Variants in PCDHA2 observed in about 807,000 individuals in gnomAD.
PCDHA2 encodes the protein protocadherin alpha 2, also known as protocadherin alpha-2.
In PCDHA2, 58 loss-of-function variants were observed where a neutral mutation model predicts 66.0. That is an observed-to-expected ratio of 0.88 (90% CI 0.71 to 1.09). The LOEUF is 1.09. PCDHA2 is among the 50% of genes least tolerant of loss of function. The pLI is 0.00. For synonymous variants in PCDHA2, 634 were observed against 554.0 expected (o/e 1.14, Z -2.03); for missense variants, 1,267 against 1,242.3 (o/e 1.02, Z -0.30).
chr5:140,906,680 C>T (rs2072848945), intron 1 of PCDHA2, among the ~76,000 whole-genome samples: 2 of 152,166 alleles, frequency 1.3e-5, no homozygotes, highest in Admixed American at 6.5e-5. Context: ...AACCTTCATT[C>T]CTGAAGGATC....
chr5:140,944,095 A>AT (rs2093609322), intron 1 of PCDHA2, among the ~76,000 whole-genome samples: 1 of 152,250 alleles, frequency 6.6e-6, no homozygotes. Context: ...GAGTAAGTTT[A>AT]TATCTCATGG....
At chr5:140,999,947 G>A (rs993598998) in intron 3 of PCDHA2, among the ~76,000 whole-genome samples, 1 of 152,110 alleles carries the variant, frequency 6.6e-6, no homozygotes, top group Non-Finnish European at 1.5e-5. Flanking sequence ...CACCCAAAGA[G>A]GGTGAAATAC....
intron 1 of PCDHA2, chr5:140,856,553 T>C (rs1319185539): frequency 6.3e-7 from 1 of 1,598,066 alleles, no homozygotes; most frequent in African/African-American, 1.3e-5. Context: ...ATTGCTTACT[T>C]ACAAACTCAG....
Position 140,895,072 on chromosome 5 carries a change from A to C in PCDHA2, c.2389-83877A>C, listed in dbSNP as rs974661383. On this transcript the variant is annotated intron_variant, in intron 1 of 3. Coordinates refer to ENST00000526136, the MANE Select transcript of PCDHA2 (RefSeq NM_018905.3). ...TCTGCTTCATATGGACTCAATTCCT[A>C]TCAGTTCCTCCTCAGTATAGGGGTT... 2.6e-5 allele frequency among the ~76,000 whole-genome samples: 4 copies of C among 152,208 alleles called. No homozygotes were observed. In the South Asian group the frequency reaches 6.2e-4, roughly 24 times the overall value.
At chr5:140,906,494 G>C (rs1327823813) in intron 1 of PCDHA2, among the ~76,000 whole-genome samples, 4 of 152,196 alleles carry the variant, frequency 2.6e-5, no homozygotes, top group African/African-American at 9.7e-5. Context: ...GCACAAACAT[G>C]TTTTTAACAA....
At chr5:140,868,988 C>T in intron 1 of PCDHA2, 1 of 1,506,234 alleles carries the variant, frequency 6.6e-7, no homozygotes, top group Non-Finnish European at 8.9e-7. Context: ...CCGGATGCCA[C>T]CGTTTAAGGA....
In PCDHA2 at chr5:140,796,968, G is replaced by A. The variant is rs369554786; in HGVS notation, c.2004G>A (p.Ser668=). 4 of 1,613,820 alleles carry A rather than the reference G, an allele frequency of 2.5e-6. No homozygotes were observed. The highest frequency in any genetic ancestry group is 2.2e-5 in the South Asian group (2 of 91,084). ...CAGCCACGGCCACCGTGTTAGTGTC[G>A]TTGGTGGAAAGTGGCCAGGCACCCA... The part of the protein sequence containing the change: ...ALTATATVLV[S]LVESGQAPKA... The change falls in exon 1 of 4, where the codon TCG becomes TCA. Residue 668 remains serine, a synonymous_variant. Transcript: ENST00000526136.
chr5:140,796,054 TC>T lies in PCDHA2; in HGVS notation c.1093del (p.Leu365TrpfsTer25). 6.2e-7 allele frequency: 1 copy of T among 1,614,180 alleles called. No homozygotes were observed. Among genetic ancestry groups the T allele is most frequent in the South Asian group, 1.1e-5 (1 of 91,084 alleles). On this transcript the variant is annotated frameshift_variant, in exon 1 of 4. Transcript: ENST00000526136. LOFTEE classifies it high-confidence loss of function. ...SLSLPISENA[S>X]LGTVIALITV... Reference sequence around the variant, plus strand: ...CTCACTTCCCATCTCAGAGAACGCTTCCCTGGGCACTGTCATTGCTCTCATC... The same window carrying T: ...CTCACTTCCCATCTCAGAGAACGCTTCCTGGGCACTGTCATTGCTCTCATC...
chr5:140,833,681 C>T (rs1401831126), intron 1 of PCDHA2, among the ~76,000 whole-genome samples: 1 of 152,082 alleles, frequency 6.6e-6, no homozygotes, highest in African/African-American at 2.4e-5. Flanking sequence ...TTCCCCAAAC[C>T]TTCTCTTATT....
rs141467715 is a variant in PCDHA2 at position 140,882,439 on chromosome 5, G to A, written c.2388+85087G>A. 19 of 1,613,928 alleles carry A rather than the reference G, an allele frequency of 1.2e-5. No individual in the cohort carries two copies. The African/African-American group carries it at 1.5e-4, about 12-fold the overall frequency. ...CTCAGGACCTGGGGCTGGAGCTGGC[G>A]GAGCTGGTGCCGCGCCTGTTCCGGG... is the stretch of plus-strand genomic sequence containing the variant. On this transcript the variant is annotated intron_variant, in intron 1 of 3. Transcript: ENST00000526136.
At chr5:140,940,764 G>C (rs977154290) in intron 1 of PCDHA2, among the ~76,000 whole-genome samples, 1 of 152,080 alleles carries the variant, frequency 6.6e-6, no homozygotes, top group Non-Finnish European at 1.5e-5. Context: ...ACTTTTATTT[G>C]ACTTTTGATG....
intron 1 of PCDHA2, among the ~76,000 whole-genome samples, chr5:140,798,592 T>A (rs1554120704): frequency 6.6e-6 from 1 of 152,228 alleles, no homozygotes; most frequent in African/African-American, 2.4e-5. Context: ...TACTTTTTTC[T>A]GGCATCTAAT....
In PCDHA2 at chr5:140,920,604, G is replaced by A. The variant is rs182788075; in HGVS notation, c.2389-58345G>A. 4.8e-4 allele frequency among the ~76,000 whole-genome samples: 73 copies of A among 152,238 alleles called. No homozygotes were observed. In the East Asian group the frequency reaches 0.011, roughly 22 times the overall value. On this transcript the variant is annotated intron_variant, in intron 1 of 3. Transcript: ENST00000526136. ...CTCACGCCTGTAATCCCAGCACTTT[G>A]GGAGGCCGAGGCGGATGGATCACAA...
At chr5:140,994,329 T>A (rs1041024319) in intron 3 of PCDHA2, among the ~76,000 whole-genome samples, 2 of 152,096 alleles carry the variant, frequency 1.3e-5, no homozygotes, top group Non-Finnish European at 2.9e-5. Context: ...TCAGCAACCA[T>A]GAACAGTGGA....
At chr5:140,906,502 CAAAG>C (rs1295778527) in intron 1 of PCDHA2, among the ~76,000 whole-genome samples, 1 of 152,180 alleles carries the variant, frequency 6.6e-6, no homozygotes, top group African/African-American at 2.4e-5. Context: ...ATGTTTTTAA[CAAAG>C]AAGGAGGAAA....
At chr5:140,937,174 A>G (rs1449263512) in intron 1 of PCDHA2, among the ~76,000 whole-genome samples, 1 of 151,302 alleles carries the variant, frequency 6.6e-6, no homozygotes, top group Non-Finnish European at 1.5e-5. Flanking sequence ...AGTAGCTGGG[A>G]CTACAGGCGC....
At chr5:140,849,791 G>C (rs1482087320) in intron 1 of PCDHA2, 8 of 1,598,446 alleles carry the variant, frequency 5.0e-6, no homozygotes, top group Non-Finnish European at 6.8e-6. Context: ...ACGGGGGCTC[G>C]CCTTCACTGT....
intron 1 of PCDHA2, chr5:140,966,972 T>A (rs1554229007): frequency 6.2e-7 from 1 of 1,602,946 alleles, no homozygotes; most frequent in Non-Finnish European, 8.5e-7. Flanking sequence ...GGGCTTGAGC[T>A]GCGGCGCTTG....
chr5:140,989,727 A>G (rs1203211477), intron 3 of PCDHA2, among the ~76,000 whole-genome samples: 2 of 152,308 alleles, frequency 1.3e-5, no homozygotes, highest in East Asian at 3.9e-4. Flanking sequence ...TTTGCAGTTG[A>G]AAAGGCCATT....
Sources: gnomAD v4.1 joint callset for allele counts (sites outside exome capture counted in the v4.1 genomes callset) on GRCh38, gnomAD v4.1.1 for gene constraint, MANE v1.5 for transcripts, NCBI Gene and HGNC (gene_info 2026-07-23, HGNC 2026-07-21) for gene names.